Variants in TRIML2 observed in about 807,000 individuals in gnomAD.
The protein encoded by TRIML2 is probable E3 ubiquitin-protein ligase TRIML2.
A neutral mutation model predicts 31.2 loss-of-function variants in TRIML2; 28 were observed. The ratio of observed to expected loss-of-function variants is 0.90; its 90% CI spans 0.66 to 1.23. The LOEUF is 1.23. TRIML2 is among the 50% of genes most tolerant of loss of function. TRIML2 has a pLI of 0.00. For missense variants in TRIML2, 536 were observed against 528.3 expected, an observed-to-expected ratio of 1.01 and a Z score of -0.14; for synonymous variants, 187 against 197.5, an observed-to-expected ratio of 0.95 and a Z score of 0.45.
intron 2 of TRIML2, 49 bp downstream of exon 2, chr4:188,105,131 A>G (rs773382468): frequency 3.2e-6 from 5 of 1,570,328 alleles, no homozygotes; most frequent in Non-Finnish European, 4.4e-6. Flanking sequence ...CATTTCATCC[A>G]TATAGGAGTT....
intron 2 of TRIML2, 121 bp downstream of exon 2, chr4:188,105,059 A>G (rs1733968355): frequency 7.1e-7 from 1 of 1,412,176 alleles, no homozygotes; most frequent in African/African-American, 1.4e-5. Context: ...CAACGAACTT[A>G]TCTAATATTC....
intron 7 of TRIML2, among the ~76,000 whole-genome samples, chr4:188,095,012 T>C (rs1466614791): frequency 6.6e-6 from 1 of 152,120 alleles, no homozygotes; most frequent in East Asian, 1.9e-4. Context: ...CCAAGTAAAT[T>C]GAATGGACAA....
At chr4:188,101,395 C>T (rs1197226775) in intron 3 of TRIML2, 145 bp from the exon 4 acceptor site, 4 of 479,352 alleles carry the variant, frequency 8.3e-6, no homozygotes, top group African/African-American at 6.0e-5. Flanking sequence ...ATCTCTAACC[C>T]CAATATAAAG....
intron 5 of TRIML2, among the ~76,000 whole-genome samples, chr4:188,097,930 T>A (rs1243497144): frequency 1.3e-5 from 2 of 152,126 alleles, no homozygotes; most frequent in African/African-American, 4.8e-5. Context: ...AAGACCAGAC[T>A]GACCAACATG....
intron 2 of TRIML2, 96 bp downstream of exon 2, chr4:188,105,084 A>G: frequency 1.4e-6 from 2 of 1,453,044 alleles, no homozygotes; most frequent in Admixed American, 1.8e-5. Flanking sequence ...ATAAACATCA[A>G]CTAAGGTAAT....
chr4:188,098,306 C>T, intron 5 of TRIML2: 6 of 446,572 alleles, frequency 1.3e-5, no homozygotes, highest in Non-Finnish European at 2.7e-5. Context: ...CCGGTGAGGG[C>T]TCCATCCCTC....
Position 188,091,588 on chromosome 4 carries a change from A to C in TRIML2, c.1099T>G (p.Leu367Val). ...PLKRLFLEKK[L>V]DTVGVFLDCE... Reference sequence around the variant, plus strand: ...TCAAGGAAAACGCCAACTGTGTCCAACTTCTTTTCCAGGAAGAGCCTTTTC... The same window carrying C: ...TCAAGGAAAACGCCAACTGTGTCCACCTTCTTTTCCAGGAAGAGCCTTTTC... The change falls in exon 8 of 8, where the codon TTG becomes GTG. Residue 367 changes from leucine to valine, a missense_variant. Coordinates refer to ENST00000682553, the MANE Select transcript of TRIML2 (RefSeq NM_173553.4). The C allele has an allele frequency of 6.2e-7, 1 of 1,614,134 alleles. No homozygotes were observed.
At chr4:188,108,669 A>G (rs1239467483) in intron 1 of TRIML2, among the ~76,000 whole-genome samples, 2 of 152,006 alleles carry the variant, frequency 1.3e-5, no homozygotes, top group African/African-American at 2.4e-5. Context: ...CTAATTCATC[A>G]CAGCCCTTCC....
chr4:188,096,600 AT>A (rs1255809046), intron 7 of TRIML2, among the ~76,000 whole-genome samples: 3 of 141,224 alleles, frequency 2.1e-5, no homozygotes, highest in African/African-American at 5.2e-5. Context: ...TCATACAGTT[AT>A]TTTTTTGATC....
chr4:188,099,047 C>G lies in TRIML2; in HGVS notation c.609G>C (p.Leu203Phe), dbSNP rs1156308012. The change falls in exon 5 of 8, where the codon TTG becomes TTC. Residue 203 changes from leucine (L) to phenylalanine (F), a missense_variant. Transcript: ENST00000682553. ...ELEKKCGEGT[L>F]ALLKNAKYSL... ...CCCAGCATCTTACCTTGAGCAATGC[C>G]AAGGTGCCTTCCCCACACTTTTTCT... The G allele has an allele frequency of 6.2e-7, 1 of 1,614,136 alleles. No homozygotes were observed. Among genetic ancestry groups the G allele is most frequent in the Admixed American group, 1.7e-5 (1 of 60,012 alleles).
intron 1 of TRIML2, among the ~76,000 whole-genome samples, chr4:188,107,920 C>A (rs1734104104): frequency 6.6e-6 from 1 of 152,104 alleles, no homozygotes; most frequent in Admixed American, 6.6e-5. Context: ...TCTTTGAAAT[C>A]CCTGCTGGTT....
chr4:188,091,685 A>C lies in TRIML2; in HGVS notation c.1002T>G (p.Ala334=). 1 of 1,613,060 alleles carries C rather than the reference A, an allele frequency of 6.2e-7. No individual in the cohort carries two copies. The highest frequency in any genetic ancestry group is 1.1e-5 in the South Asian group (1 of 91,056). ...SADAKGSTAR[A]SGEKVLLTGS... is the part of the protein sequence containing the mutation. ...CCGTGAGCAAGACTTTCTCTCCGGA[A>C]GCTCTGGCCGTGCTGCCCTTCGCGT... Residue 334 remains alanine (A), a synonymous_variant, in exon 8 of 8, where the codon GCT becomes GCG. Transcript: ENST00000682553.
At chr4:188,104,278 T>G (rs1439758827) in intron 3 of TRIML2, among the ~76,000 whole-genome samples, 1 of 152,244 alleles carries the variant, frequency 6.6e-6, no homozygotes, top group Admixed American at 6.5e-5. Flanking sequence ...TTCAATGTAT[T>G]TAAAATATAT....
At chr4:188,099,004 G>C (rs371947556) in intron 5 of TRIML2, 31 bp downstream of exon 5, 1 of 1,612,974 alleles carries the variant, frequency 6.2e-7, no homozygotes, top group South Asian at 1.1e-5. Flanking sequence ...ATACTGGAAT[G>C]AATTTTATTT....
chr4:188,106,079 T>A (rs1734021231), intron 1 of TRIML2: 1 of 151,548 alleles, frequency 6.6e-6, no homozygotes, highest in African/African-American at 2.4e-5. Context: ...AGACGGAGTC[T>A]CGCTCTGTCA....
At chr4:188,101,374 G>T in intron 3 of TRIML2, 124 bp from the exon 4 acceptor site, 1 of 502,354 alleles carries the variant, frequency 2.0e-6, no homozygotes, top group Non-Finnish European at 3.2e-6. Context: ...TGACCACAAT[G>T]TATTCTTTCC....
intron 2 of TRIML2, 97 bp from the exon 3 acceptor site, chr4:188,105,029 T>C (rs1733967111): frequency 2.8e-6 from 4 of 1,411,742 alleles, no homozygotes; most frequent in Non-Finnish European, 4.0e-6. Flanking sequence ...TATATTTTCT[T>C]AGCCTTTAGG....
intron 1 of TRIML2, chr4:188,105,828 A>G (rs1734004057): frequency 6.5e-6 from 1 of 154,360 alleles, no homozygotes; most frequent in South Asian, 2.0e-4. Flanking sequence ...GAAAAAAACC[A>G]CAAGTATCTG....
chr4:188,091,942 C>T lies in TRIML2; in HGVS notation c.746-1G>A, dbSNP rs1285972231. 1 of 1,603,310 alleles carries T rather than the reference C, an allele frequency of 6.2e-7. No individual in the cohort carries two copies. On this transcript the variant is annotated splice_acceptor_variant, in intron 7 of 7. Transcript: ENST00000682553. LOFTEE classifies it high-confidence loss of function. The stretch of plus-strand genomic sequence containing the variant: ...GTTTCAGGATCCAATGTTAAATGTC[C>T]TATCAGGAGAGAAAACCCTCGTTAA...
Sources: allele counts gnomAD v4.1 joint callset (sites outside exome capture counted in the v4.1 genomes callset), GRCh38; gene constraint gnomAD v4.1.1; transcripts MANE v1.5; gene names NCBI Gene and HGNC (gene_info 2026-07-23, HGNC 2026-07-21).